The following SLC15A2 variants were observed in gnomAD, a reference collection of about 807,000 sequenced individuals.
The protein encoded by SLC15A2 is kidney H(+)/peptide cotransporter.
In SLC15A2, 77 loss-of-function variants were observed where a neutral mutation model predicts 95.5. That is an observed-to-expected ratio of 0.81 (90% CI 0.67 to 0.97). The LOEUF is 0.97. Ranked by LOEUF, SLC15A2 falls within the 50% of genes least tolerant of loss-of-function variation. The pLI, the probability that SLC15A2 is intolerant of heterozygous loss-of-function variation, is 0.00. For synonymous variants in SLC15A2, 306 were observed against 306.9 expected, an observed-to-expected ratio of 1.00 and a Z score of 0.03; for missense variants, 893 against 874.4, an observed-to-expected ratio of 1.02 and a Z score of -0.27.
In SLC15A2 at chr3:121,913,062, C is replaced by A. The variant is rs1423058166; in HGVS notation, c.470C>A (p.Thr157Lys). 1 of 1,613,670 alleles carries A rather than the reference C, an allele frequency of 6.2e-7. No homozygotes were observed. ...LIGLSLIALG[T>K]GGIKPCVAAF... ...GGCCTGAGTCTAATAGCTTTGGGGA[C>A]AGGAGGCATCAAACCCTGTGTGGCA... Residue 157 changes from threonine (T) to lysine (K), a missense_variant, in exon 5 of 22, where the codon ACA becomes AAA. By Grantham distance (78) the Thr-to-Lys change is moderately conservative. Coordinates refer to ENST00000489711, the MANE Select transcript of SLC15A2 (RefSeq NM_021082.4).
chr3:121,937,628 G>A (rs540143731), intron 19 of SLC15A2, among the ~76,000 whole-genome samples: 1 of 151,906 alleles, frequency 6.6e-6, no homozygotes, highest in East Asian at 1.9e-4. Flanking sequence ...GCTCCTTTAA[G>A]CACTTCTCTG....
intron 21 of SLC15A2, 63 bp downstream of exon 21, chr3:121,940,551 C>G (rs1710441073): frequency 1.5e-6 from 2 of 1,328,868 alleles, no homozygotes; most frequent in African/African-American, 1.4e-5. Flanking sequence ...TTTCTCTTCT[C>G]CCTTTCCCCC....
At chr3:121,917,922 A>G (rs1291948501) in intron 7 of SLC15A2, among the ~76,000 whole-genome samples, 1 of 152,194 alleles carries the variant, frequency 6.6e-6, no homozygotes, top group African/African-American at 2.4e-5. Flanking sequence ...AAAGCATAAA[A>G]AAGAATGATA....
chr3:121,940,309 A>T, intron 20 of SLC15A2, 75 bp from the exon 21 acceptor site: 1 of 1,084,832 alleles, frequency 9.2e-7, no homozygotes, highest in Non-Finnish European at 1.4e-6. Context: ...CTTTTGTGGG[A>T]GAAGTTTCCT....
intron 2 of SLC15A2, 21 bp from the exon 3 acceptor site, chr3:121,897,367 T>C (rs201038735): frequency 4.0e-5 from 65 of 1,611,560 alleles, no homozygotes; most frequent in Non-Finnish European, 5.9e-6. Flanking sequence ...TCCCCACGCC[T>C]CCTTTTTTTT....
chr3:121,933,663 C>A (rs1265495097), intron 19 of SLC15A2, among the ~76,000 whole-genome samples: 1 of 151,570 alleles, frequency 6.6e-6, no homozygotes. Context: ...TGGATATTAG[C>A]CCTTTGTCAG....
intron 3 of SLC15A2, among the ~76,000 whole-genome samples, chr3:121,907,490 T>A (rs1240096133): frequency 6.6e-6 from 1 of 152,366 alleles, no homozygotes; most frequent in East Asian, 1.9e-4. Flanking sequence ...TTTGTGGTTT[T>A]TATCTACCTT....
At chr3:121,921,212 G>C (rs139209000) in intron 7 of SLC15A2, among the ~76,000 whole-genome samples, 1 of 152,274 alleles carries the variant, frequency 6.6e-6, no homozygotes, top group East Asian at 1.9e-4. Flanking sequence ...TACAGCATAG[G>C]GTATCTCAAA....
In SLC15A2 at chr3:121,942,025, T is replaced by C. The variant is rs907308038; in HGVS notation, c.*1018T>C. On this transcript the variant is annotated 3_prime_UTR_variant, in exon 22 of 22. Transcript: ENST00000489711. ...ATATCAAAGTAGTTCCTTTTTGATG[T>C]TGTTTTCCTGATTTACTTTTCCCAT... 3.9e-5 allele frequency: 6 copies of C among 152,246 alleles called. No individual in the cohort carries two copies. Among genetic ancestry groups the C allele is most frequent in the African/African-American group, 1.4e-4 (6 of 41,470 alleles). 9.4% of individuals were successfully genotyped at this position (152,246 alleles called of 1,614,324 possible). A position where few individuals can be genotyped will look rare whatever the true frequency, so the allele number is the denominator to read the frequency against.
intron 3 of SLC15A2, among the ~76,000 whole-genome samples, chr3:121,902,435 G>A (rs1559839836): frequency 1.3e-5 from 2 of 152,116 alleles, no homozygotes; most frequent in Admixed American, 1.3e-4. Context: ...AGGTATACAT[G>A]TGCCATGTTG....
intron 1 of SLC15A2, 55 bp from the exon 2 acceptor site, chr3:121,896,351 T>A: frequency 7.2e-7 from 1 of 1,385,454 alleles, no homozygotes; most frequent in Non-Finnish European, 1.0e-6. Flanking sequence ...GAAATCTAAT[T>A]GTTGAAACAG....
intron 13 of SLC15A2, among the ~76,000 whole-genome samples, chr3:121,926,649 G>A (rs1338052475): frequency 6.6e-6 from 1 of 152,226 alleles, no homozygotes; most frequent in Non-Finnish European, 1.5e-5. Context: ...GAGGTAAAAT[G>A]TGGGGTTGGA....
At chr3:121,897,575 G>A (rs1709443004) in intron 3 of SLC15A2, 46 bp downstream of exon 3, 2 of 1,604,546 alleles carry the variant, frequency 1.2e-6, no homozygotes, top group Non-Finnish European at 1.7e-6. Context: ...CACAGGTTGT[G>A]CAGAAGGCTA....
intron 3 of SLC15A2, among the ~76,000 whole-genome samples, chr3:121,909,811 AT>A (rs35943712): frequency 0.45 from 67,383 of 149,406 alleles, 15,500 homozygotes; most frequent in East Asian, 0.69. Flanking sequence ...ACATTATTAG[AT>A]TTTTTTTTTT....
At chr3:121,916,823 T>C (rs536057640) in intron 7 of SLC15A2, among the ~76,000 whole-genome samples, 1 of 151,556 alleles carries the variant, frequency 6.6e-6, no homozygotes, top group East Asian at 1.9e-4. Context: ...TTCTTTTTTC[T>C]TTTTTTTTCT....
chr3:121,897,408 C>A lies in SLC15A2; in HGVS notation c.214C>A (p.Leu72Met). 6.2e-7 allele frequency: 1 copy of A among 1,613,884 alleles called. No individual in the cohort carries two copies. The highest frequency in any genetic ancestry group is 8.5e-7 in the Non-Finnish European group (1 of 1,179,878). Residue 72 changes from leucine to methionine, a missense_variant, in exon 3 of 22, where the codon CTG becomes ATG. By Grantham distance (15) the Leu-to-Met change is conservative (BLOSUM62 2). Transcript: ENST00000489711. ...GMKAVLILYF[L>M]YFLHWNEDTS... ...TACAGCTGTGCTGATCCTGTATTTCCTGTATTTCCTGCACTGGAATGAAGA... is the reference window on the plus strand; with the variant it reads ...TACAGCTGTGCTGATCCTGTATTTCATGTATTTCCTGCACTGGAATGAAGA...
rs769385299 is a variant in SLC15A2, at chr3:121,930,890, C to G, written c.1604C>G (p.Thr535Ser). 6.2e-7 allele frequency: 1 copy of G among 1,613,770 alleles called. No homozygotes were observed. The highest frequency in any genetic ancestry group is 8.5e-7 in the Non-Finnish European group (1 of 1,179,678). Reference sequence around the variant, plus strand: ...GTCAACATCTCCCTGAGTACAGATACCTCTCTCAATGTTGGTGAAGACTAT... The same window carrying G: ...GTCAACATCTCCCTGAGTACAGATAGCTCTCTCAATGTTGGTGAAGACTAT... ...KDVNISLSTD[T>S]SLNVGEDYGV... The change falls in exon 18 of 22, where the codon ACC (threonine) becomes AGC (serine). Residue 535 changes from threonine (T) to serine (S), a missense_variant. By Grantham distance (58) the Thr-to-Ser change is moderately conservative. Transcript: ENST00000489711.
At chr3:121,895,051 GA>G (rs1709391968) in intron 1 of SLC15A2, among the ~76,000 whole-genome samples, 2 of 152,310 alleles carry the variant, frequency 1.3e-5, no homozygotes, top group South Asian at 4.1e-4. Flanking sequence ...ATAGGACAGA[GA>G]AACAGAGAAT....
At position 121,913,121 on chromosome 3, in the gene SLC15A2, G is replaced by A. The variant is rs1709807750; in HGVS notation, c.528+1G>A. On this transcript the variant is annotated splice_donor_variant, in intron 5 of 21. Coordinates refer to ENST00000489711, the MANE Select transcript of SLC15A2 (RefSeq NM_021082.4). LOFTEE classifies it high-confidence loss of function. Reference sequence around the variant, plus strand: ...TGGAGACCAGTTTGAAGAAAAACATGTAAGAATCCTGTTATTTTGTATTTT... The same window carrying A: ...TGGAGACCAGTTTGAAGAAAAACATATAAGAATCCTGTTATTTTGTATTTT... 2 of 1,608,736 alleles carry A rather than the reference G, an allele frequency of 1.2e-6. No individual in the cohort carries two copies. The highest frequency in any genetic ancestry group is 8.5e-7 in the Non-Finnish European group (1 of 1,175,280).
Sources: gnomAD v4.1 joint callset for allele counts (sites outside exome capture counted in the v4.1 genomes callset) on GRCh38, gnomAD v4.1.1 for gene constraint, MANE v1.5 for transcripts, NCBI Gene and HGNC (gene_info 2026-07-23, HGNC 2026-07-21) for gene names.